MALRD1: variants seen among roughly 807,000 people sequenced by gnomAD.
MALRD1 encodes MAM and LDL-receptor class A domain-containing protein 1.
In MALRD1, 247 loss-of-function variants were observed where a neutral mutation model predicts 242.1. The observed-to-expected ratio is 1.02, with a 90% CI of 0.92 to 1.13. The LOEUF (loss-of-function observed/expected upper bound fraction) is 1.13. Among genes scored for constraint, MALRD1 ranks in the 50% most tolerant of loss-of-function variants. The pLI is 0.00. For synonymous variants in MALRD1, 995 were observed against 866.6 expected, an observed-to-expected ratio of 1.15 and a Z score of -2.60; for missense variants, 2,989 against 2,533.1, an observed-to-expected ratio of 1.18 and a Z score of -3.86.
intron 4 of MALRD1, among the ~76,000 whole-genome samples, chr10:19,100,486 G>GA (rs2131326413): frequency 6.6e-6 from 1 of 152,236 alleles, no homozygotes; most frequent in Non-Finnish European, 1.5e-5. Flanking sequence ...AGAATGAAAG[G>GA]AAAATAGGGA....
At chr10:19,364,796 A>T (rs377621210) in intron 26 of MALRD1, among the ~76,000 whole-genome samples, 1 of 152,246 alleles carries the variant, frequency 6.6e-6, no homozygotes, top group African/African-American at 2.4e-5. Flanking sequence ...CTACTTATGT[A>T]ATAGGGGTGA....
chr10:19,068,587 G>T (rs1404337762), intron 2 of MALRD1, among the ~76,000 whole-genome samples: 8 of 152,080 alleles, frequency 5.3e-5, no homozygotes, highest in Admixed American at 4.6e-4. Context: ...TTGAAGGCTG[G>T]TAACTTTGGT....
chr10:19,107,306 T>G (rs562310838), intron 5 of MALRD1, among the ~76,000 whole-genome samples: 2 of 151,884 alleles, frequency 1.3e-5, no homozygotes, highest in Non-Finnish European at 2.9e-5. Context: ...TATTGGGAGG[T>G]CTAGTTTTGG....
chr10:19,336,264 A>C (rs1843607618), intron 24 of MALRD1, among the ~76,000 whole-genome samples: 1 of 152,204 alleles, frequency 6.6e-6, no homozygotes, highest in Admixed American at 6.5e-5. Context: ...TCTATGGGAA[A>C]CAACCATTTT....
intron 38 of MALRD1, among the ~76,000 whole-genome samples, chr10:19,727,740 T>A (rs1435566602): frequency 6.6e-6 from 1 of 150,762 alleles, no homozygotes; most frequent in East Asian, 1.9e-4. Context: ...TACCGGCATA[T>A]TGACAAATAC....
intron 33 of MALRD1, among the ~76,000 whole-genome samples, chr10:19,569,629 A>C (rs1326393372): frequency 6.8e-6 from 1 of 147,770 alleles, no homozygotes; most frequent in Non-Finnish European, 1.5e-5. Context: ...TTTTATATAT[A>C]TATTCCATAA....
intron 36 of MALRD1, among the ~76,000 whole-genome samples, chr10:19,640,419 C>A (rs2131676340): frequency 6.6e-6 from 1 of 152,210 alleles, no homozygotes; most frequent in Non-Finnish European, 1.5e-5. Flanking sequence ...GGCTGACATT[C>A]CTTAGGGTCC....
intron 2 of MALRD1, among the ~76,000 whole-genome samples, chr10:19,072,798 A>G (rs1361995557): frequency 6.6e-6 from 1 of 152,122 alleles, no homozygotes; most frequent in Non-Finnish European, 1.5e-5. Context: ...AAATTTTTTT[A>G]TAGTAGTCAA....
chr10:19,562,669 C>T (rs1050412705), intron 32 of MALRD1, among the ~76,000 whole-genome samples: 1 of 152,128 alleles, frequency 6.6e-6, no homozygotes, highest in Non-Finnish European at 1.5e-5. Context: ...GGTATCCAAG[C>T]TCTGGGCCCA....
chr10:19,658,416 A>G (rs912350816), intron 36 of MALRD1, among the ~76,000 whole-genome samples: 1 of 152,146 alleles, frequency 6.6e-6, no homozygotes, highest in Admixed American at 6.6e-5. Flanking sequence ...TCAAGCATCA[A>G]AGATATTTTA....
intron 34 of MALRD1, among the ~76,000 whole-genome samples, chr10:19,603,467 T>C (rs1838461315): frequency 6.6e-6 from 1 of 152,206 alleles, no homozygotes; most frequent in Admixed American, 6.5e-5. Context: ...TCCTCATTTC[T>C]TGTTTTTGTC....
chr10:19,412,400 A>C (rs2130888100), intron 28 of MALRD1, among the ~76,000 whole-genome samples: 1 of 152,134 alleles, frequency 6.6e-6, no homozygotes, highest in Middle Eastern at 3.4e-3. Context: ...TACTGGAAAA[A>C]CCCCATCAAC....
intron 10 of MALRD1, 57 bp from the exon 11 acceptor site, chr10:19,146,140 GT>G: frequency 8.3e-7 from 1 of 1,200,022 alleles, no homozygotes; most frequent in Non-Finnish European, 1.0e-6. Context: ...GCGTAGAGCA[GT>G]GTTTGCCTGC....
intron 18 of MALRD1, among the ~76,000 whole-genome samples, chr10:19,221,493 C>A (rs1200415441): frequency 6.6e-6 from 1 of 152,150 alleles, no homozygotes; most frequent in Non-Finnish European, 1.5e-5. Context: ...GATTTCTCAT[C>A]TACCATCTTG....
intron 19 of MALRD1, among the ~76,000 whole-genome samples, chr10:19,270,321 C>CTCTCTCTCTCTCTCT (rs1178029901): frequency 1.0e-5 from 1 of 97,244 alleles, no homozygotes; most frequent in Non-Finnish European, 1.9e-5. Flanking sequence ...TCTCTCTTCT[C>CTCTCTCTCTCTCTCT]TCTCTCTCTC....
At chr10:19,615,652 T>C (rs1839120439) in intron 35 of MALRD1, among the ~76,000 whole-genome samples, 1 of 151,820 alleles carries the variant, frequency 6.6e-6, no homozygotes, top group African/African-American at 2.4e-5. Flanking sequence ...GCGAAGGGCA[T>C]GAACACATTC....
chr10:19,313,183 C>T (rs1196254936), intron 21 of MALRD1, among the ~76,000 whole-genome samples: 1 of 151,366 alleles, frequency 6.6e-6, no homozygotes, highest in Non-Finnish European at 1.5e-5. Flanking sequence ...TCAGCACTCA[C>T]CATGCAAATT....
At chr10:19,223,556 AC>A (rs1588720338) in intron 18 of MALRD1, among the ~76,000 whole-genome samples, 1 of 152,238 alleles carries the variant, frequency 6.6e-6, no homozygotes, top group East Asian at 1.9e-4. Context: ...ATATATACGC[AC>A]ATACATACAC....
intron 33 of MALRD1, among the ~76,000 whole-genome samples, chr10:19,591,496 A>AT (rs1837780450): frequency 9.4e-6 from 1 of 106,262 alleles, no homozygotes; most frequent in Admixed American, 9.2e-5. Flanking sequence ...CTTTTATTTT[A>AT]GTTTTTTTTT....
Sources: gnomAD v4.1 joint callset for allele counts (sites outside exome capture counted in the v4.1 genomes callset) on GRCh38, gnomAD v4.1.1 for gene constraint, MANE v1.5 for transcripts, NCBI Gene and HGNC (gene_info 2026-07-23, HGNC 2026-07-21) for gene names.